The following DENND1A variants were observed in gnomAD, a reference collection of about 807,000 sequenced individuals.
The protein encoded by DENND1A is DENN domain-containing protein 1A.
In DENND1A, 51 loss-of-function variants were observed where a neutral mutation model predicts 113.7. The observed-to-expected ratio is 0.45, with a 90% CI of 0.36 to 0.57. DENND1A has a LOEUF of 0.57. DENND1A is among the 20% of genes least tolerant of loss of function. DENND1A has a pLI of 0.00. For synonymous variants in DENND1A, 565 were observed against 570.8 expected (o/e 0.99, Z 0.14); for missense variants, 1,258 against 1,395.9 (o/e 0.90, Z 1.57).
At position 123,682,531 on chromosome 9, in the gene DENND1A, A is replaced by C. The variant is rs369480132; in HGVS notation, c.303-5742T>G. Reference sequence around the variant, plus strand: ...AAGCATCCCTTGGTTAAGACCATTCAGCACTCAATATTTAAAGCCTTCCTA... The same window carrying C: ...AAGCATCCCTTGGTTAAGACCATTCCGCACTCAATATTTAAAGCCTTCCTA... On this transcript the variant is annotated intron_variant, in intron 5 of 23. Coordinates refer to ENST00000394215, the MANE Select transcript of DENND1A (RefSeq NM_001352964.2). Among the ~76,000 whole-genome samples the C allele has an allele frequency of 7.9e-5, 12 of 152,258 alleles. No individual in the cohort carries two copies. The East Asian group carries it at 2.1e-3, about 27-fold the overall frequency.
chr9:123,611,880 A>G (rs1010592966), intron 10 of DENND1A, among the ~76,000 whole-genome samples: 3 of 152,216 alleles, frequency 2.0e-5, no homozygotes, highest in Non-Finnish European at 4.4e-5. Flanking sequence ...GACCTCATGG[A>G]AGAGACTGAA....
chr9:123,687,717 G>A lies in DENND1A; in HGVS notation c.303-10928C>T, dbSNP rs550209426. 6.2e-4 allele frequency among the ~76,000 whole-genome samples: 94 copies of A among 152,314 alleles called. 2 individuals carry two copies. The South Asian group carries it at 0.017, about 28-fold the overall frequency. On this transcript the variant is annotated intron_variant, in intron 5 of 23. Coordinates refer to ENST00000394215, the MANE Select transcript of DENND1A (RefSeq NM_001352964.2). ...CCAAAATGTTTCTGAAAATGAAACC[G>A]AGGGGTTTTTAGAGAGAGTAAAGCA... is the stretch of plus-strand genomic sequence containing the variant.
At chr9:123,579,121 C>A (rs534800485) in intron 12 of DENND1A, among the ~76,000 whole-genome samples, 10 of 152,220 alleles carry the variant, frequency 6.6e-5, no homozygotes, top group African/African-American at 1.9e-4. Flanking sequence ...GAATGCCCTG[C>A]GGATCATAAT....
intron 9 of DENND1A, among the ~76,000 whole-genome samples, chr9:123,633,283 G>T (rs1186902278): frequency 6.6e-6 from 1 of 152,082 alleles, no homozygotes; most frequent in Middle Eastern, 3.2e-3. Context: ...GGAAGATCCT[G>T]TCCTCACCTC....
At chr9:123,452,711 C>T (rs923634461) in intron 16 of DENND1A, among the ~76,000 whole-genome samples, 3 of 152,062 alleles carry the variant, frequency 2.0e-5, no homozygotes, top group African/African-American at 7.3e-5. Flanking sequence ...ATTCTAGTTA[C>T]CACGGATGAC....
chr9:123,732,565 T>G (rs1301436270), intron 5 of DENND1A, among the ~76,000 whole-genome samples: 1 of 151,814 alleles, frequency 6.6e-6, no homozygotes, highest in Non-Finnish European at 1.5e-5. Context: ...AGAACTGGAG[T>G]GGGAGAGGAC....
intron 19 of DENND1A, chr9:123,413,759 G>T: frequency 1.0e-6 from 1 of 985,522 alleles, no homozygotes; most frequent in Non-Finnish European, 1.2e-6. Context: ...GCTGCCTAGG[G>T]ATGGGCAAGG....
intron 13 of DENND1A, among the ~76,000 whole-genome samples, chr9:123,472,974 T>TC (rs2049572893): frequency 6.6e-6 from 1 of 152,108 alleles, no homozygotes; most frequent in African/African-American, 2.4e-5. Flanking sequence ...CGGGGCTGGG[T>TC]CAGTGTCCCT....
chr9:123,385,046 C>T (rs904830968), intron 22 of DENND1A, among the ~76,000 whole-genome samples: 10 of 152,250 alleles, frequency 6.6e-5, no homozygotes, highest in Admixed American at 2.0e-4. Flanking sequence ...CAAAGGGTTC[C>T]ACTTGCCTTC....
chr9:123,884,962 C>T (rs1311236963), intron 1 of DENND1A, among the ~76,000 whole-genome samples: 1 of 151,858 alleles, frequency 6.6e-6, no homozygotes. Context: ...TGTTCAACAA[C>T]CCTCCCATCT....
At position 123,609,757 on chromosome 9, in the gene DENND1A, C is replaced by T. The variant is rs540293861; in HGVS notation, c.720-276G>A. 3.5e-4 allele frequency among the ~76,000 whole-genome samples: 53 copies of T among 152,240 alleles called. 2 individuals are homozygous for T. The South Asian group carries it at 7.5e-3, about 21-fold the overall frequency. The stretch of plus-strand genomic sequence containing the variant: ...AAAGAGCGGCTCTGCAACTGCACAG[C>T]CTCAGTTGCCTTATCTTTAAAATGG... On this transcript the variant is annotated intron_variant, in intron 10 of 23. Transcript: ENST00000394215.
chr9:123,639,090 A>C (rs573039332), intron 9 of DENND1A, among the ~76,000 whole-genome samples: 36 of 150,384 alleles, frequency 2.4e-4, no homozygotes, highest in African/African-American at 8.5e-4. Context: ...AAAAAGAAAA[A>C]GAAAAAGAAA....
At chr9:123,560,160 C>T (rs2057659891) in intron 12 of DENND1A, among the ~76,000 whole-genome samples, 1 of 152,150 alleles carries the variant, frequency 6.6e-6, no homozygotes, top group Non-Finnish European at 1.5e-5. Context: ...GATTCATGTG[C>T]AAGCTTTTGT....
At chr9:123,892,354 C>A (rs1850044329) in intron 1 of DENND1A, among the ~76,000 whole-genome samples, 1 of 152,168 alleles carries the variant, frequency 6.6e-6, no homozygotes, top group African/African-American at 2.4e-5. Context: ...AGACTGAGCA[C>A]AACTCCAATC....
intron 19 of DENND1A, among the ~76,000 whole-genome samples, chr9:123,417,610 G>C (rs78968568): frequency 0.019 from 2,860 of 152,276 alleles, 79 homozygotes; most frequent in African/African-American, 0.065. Flanking sequence ...TTCTGACACG[G>C]TTCTTCTAAT....
At chr9:123,626,381 C>T (rs2061216592) in intron 10 of DENND1A, among the ~76,000 whole-genome samples, 1 of 151,758 alleles carries the variant, frequency 6.6e-6, no homozygotes, top group African/African-American at 2.4e-5. Flanking sequence ...GCAGCAGGTT[C>T]TACATGCTAA....
rs1339715837 is a variant in DENND1A at position 123,521,689 on chromosome 9, G to C, written c.993+35881C>G. ...AAGGCTGGCCTCCTTCCTAGAGGAA[G>C]TGTGGCCCAATGAAAAGAACACAGG... is the stretch of plus-strand genomic sequence containing the variant. On this transcript the variant is annotated intron_variant, in intron 13 of 23. Coordinates refer to ENST00000394215, the MANE Select transcript of DENND1A (RefSeq NM_001352964.2). 2.0e-5 allele frequency among the ~76,000 whole-genome samples: 3 copies of C among 152,200 alleles called. No individual in the cohort carries two copies. The East Asian group carries it at 5.8e-4, about 29-fold the overall frequency.
At chr9:123,769,481 T>C (rs1040511356) in intron 4 of DENND1A, 33 bp downstream of exon 4, 1 of 1,576,896 alleles carries the variant, frequency 6.3e-7, no homozygotes, top group Admixed American at 1.9e-5. Flanking sequence ...ATTGATACTT[T>C]TTTTCTAGTA....
chr9:123,564,454 G>C (rs1393222372), intron 12 of DENND1A, among the ~76,000 whole-genome samples: 1 of 152,242 alleles, frequency 6.6e-6, no homozygotes, highest in African/African-American at 2.4e-5. Flanking sequence ...TCTCTGAGAT[G>C]AGAGGCTCTT....
Sources: gnomAD v4.1 joint callset for allele counts (sites outside exome capture counted in the v4.1 genomes callset) on GRCh38, gnomAD v4.1.1 for gene constraint, MANE v1.5 for transcripts, NCBI Gene and HGNC (gene_info 2026-07-23, HGNC 2026-07-21) for gene names.